Variants in RASGEF1A observed in about 807,000 individuals in gnomAD.
RASGEF1A encodes RasGEF domain family member 1A.
A neutral mutation model predicts 56.4 loss-of-function variants in RASGEF1A; 18 were observed. The ratio of observed to expected loss-of-function variants is 0.32; its 90% CI spans 0.22 to 0.47. The LOEUF (loss-of-function observed/expected upper bound fraction) is 0.47. Ranked by LOEUF, RASGEF1A falls within the 20% of genes least tolerant of loss-of-function variation. The pLI, the probability that RASGEF1A is intolerant of heterozygous loss-of-function variation, is 1.00. For missense variants in RASGEF1A, 422 were observed against 627.1 expected (o/e 0.67, Z 3.49); for synonymous variants, 245 against 242.6 (o/e 1.01, Z -0.09).
intron 1 of RASGEF1A, among the ~76,000 whole-genome samples, chr10:43,238,576 T>C (rs1207820175): frequency 2.6e-5 from 4 of 152,242 alleles, no homozygotes; most frequent in African/African-American, 9.6e-5. Context: ...ACCAGGGTGC[T>C]GTGAGGGTCC....
intron 1 of RASGEF1A, among the ~76,000 whole-genome samples, chr10:43,217,188 G>A (rs113397773): frequency 0.011 from 1,674 of 152,302 alleles, 12 homozygotes; most frequent in Middle Eastern, 0.041. Flanking sequence ...CTGGTGGAGC[G>A]TGCTGGGACC....
chr10:43,220,721 G>A (rs540428346), intron 1 of RASGEF1A, among the ~76,000 whole-genome samples: 37 of 151,406 alleles, frequency 2.4e-4, no homozygotes, highest in African/African-American at 8.2e-4. Context: ...GGAGGTGGAC[G>A]TTGCAGTGAG....
chr10:43,258,841 A>G (rs1030214992), intron 1 of RASGEF1A, among the ~76,000 whole-genome samples: 1 of 152,214 alleles, frequency 6.6e-6, no homozygotes, highest in Non-Finnish European at 1.5e-5. Flanking sequence ...GGAAGAGCTC[A>G]CTGGGCACAT....
chr10:43,260,257 C>A (rs1439079847), intron 1 of RASGEF1A, among the ~76,000 whole-genome samples: 2 of 152,074 alleles, frequency 1.3e-5, no homozygotes, highest in Non-Finnish European at 2.9e-5. Flanking sequence ...CAGGCCTGGG[C>A]ACCGGCAGGG....
intron 5 of RASGEF1A, 109 bp from the exon 6 acceptor site, chr10:43,200,365 T>G (rs567009977): frequency 1.1e-6 from 1 of 931,686 alleles, no homozygotes; most frequent in Non-Finnish European, 1.7e-6. Flanking sequence ...GCACAGGACC[T>G]TCACCTCCTC....
At chr10:43,242,679 C>T (rs922399549) in intron 1 of RASGEF1A, among the ~76,000 whole-genome samples, 2 of 152,048 alleles carry the variant, frequency 1.3e-5, no homozygotes, top group Non-Finnish European at 2.9e-5. Context: ...ATTCCAGGCA[C>T]GCGCCGCCAC....
intron 1 of RASGEF1A, among the ~76,000 whole-genome samples, chr10:43,214,206 G>A (rs1394513428): frequency 6.6e-6 from 1 of 152,192 alleles, no homozygotes; most frequent in Non-Finnish European, 1.5e-5. Flanking sequence ...CCAAGCCTGT[G>A]GCCTCACTGC....
Position 43,229,211 on chromosome 10 carries a change from T to C in RASGEF1A, c.-6-23089A>G, listed in dbSNP as rs554094795. Among the ~76,000 whole-genome samples the C allele has an allele frequency of 7.9e-5, 12 of 152,282 alleles. No individual in the cohort carries two copies. In the East Asian group the frequency reaches 1.9e-3, roughly 25 times the overall value. On this transcript the variant is annotated intron_variant, in intron 1 of 12. Coordinates refer to ENST00000395810, the MANE Select transcript of RASGEF1A (RefSeq NM_145313.4). ...ACAGGCACGGCTGCGCTCCCTCCCA[T>C]GTGCCGTGAATAAGCGCGCCCGCGC...
In RASGEF1A at chr10:43,198,111, T is replaced by G; in HGVS notation, c.1117A>C (p.Ser373Arg). 1 of 1,614,204 alleles carries G rather than the reference T, an allele frequency of 6.2e-7. No homozygotes were observed. The highest frequency in any genetic ancestry group is 8.5e-7 in the Non-Finnish European group (1 of 1,180,000). Residue 373 changes from serine to arginine, a missense_variant, in exon 10 of 13, where the codon AGC becomes CGC. Around this residue, in one of 2 missense-constraint regions of RASGEF1A, gnomAD observed 149 missense variants for 287.2 expected, o/e 0.52. Transcript: ENST00000395810. ...ACAGGGATGACGATCTTTTCACGGC[T>G]GCTGTTGGCCATCTGGGACCTCTGC... ...ATQRSQMANS[S>R]REKIVIPVFN...
intron 1 of RASGEF1A, among the ~76,000 whole-genome samples, chr10:43,265,360 G>A (rs79771192): frequency 0.011 from 1,751 of 152,346 alleles, 57 homozygotes; most frequent in East Asian, 0.095. Flanking sequence ...TGTGCAGGAG[G>A]ACACAGCTTC....
intron 2 of RASGEF1A, among the ~76,000 whole-genome samples, chr10:43,204,041 C>G (rs1161039531): frequency 1.3e-5 from 2 of 152,154 alleles, no homozygotes; most frequent in African/African-American, 4.8e-5. Context: ...CAGGGCCCCT[C>G]CATACCACAT....
At chr10:43,200,305 G>A (rs1449791021) in intron 5 of RASGEF1A, 49 bp from the exon 6 acceptor site, 3 of 1,496,358 alleles carry the variant, frequency 2.0e-6, no homozygotes, top group Admixed American at 1.9e-5. Context: ...CCCTGGAGAA[G>A]GGACAGCACT....
chr10:43,215,082 A>G (rs1193922377), intron 1 of RASGEF1A, among the ~76,000 whole-genome samples: 1 of 152,214 alleles, frequency 6.6e-6, no homozygotes, highest in Non-Finnish European at 1.5e-5. Flanking sequence ...GGACAAGCAC[A>G]CATTCCCACG....
intron 1 of RASGEF1A, among the ~76,000 whole-genome samples, chr10:43,247,879 T>C (rs1456747296): frequency 1.3e-5 from 2 of 151,822 alleles, no homozygotes; most frequent in African/African-American, 4.8e-5. Context: ...CTGGCCAACA[T>C]GGTGAAACCC....
intron 1 of RASGEF1A, among the ~76,000 whole-genome samples, chr10:43,212,560 C>T (rs1348916443): frequency 6.6e-6 from 1 of 152,256 alleles, no homozygotes; most frequent in African/African-American, 2.4e-5. Context: ...CTTAGTGGCA[C>T]TGGCACCTGA....
At chr10:43,230,005 CG>C (rs1195932695) in intron 1 of RASGEF1A, among the ~76,000 whole-genome samples, 1 of 151,762 alleles carries the variant, frequency 6.6e-6, no homozygotes, top group Non-Finnish European at 1.5e-5. Flanking sequence ...CCGTAGGTGC[CG>C]GGGTGTGAGG....
intron 1 of RASGEF1A, among the ~76,000 whole-genome samples, chr10:43,236,307 A>G (rs1324056181): frequency 6.6e-6 from 1 of 152,210 alleles, no homozygotes. Flanking sequence ...CCGCGCATCC[A>G]TGTGTGTTTG....
intron 1 of RASGEF1A, among the ~76,000 whole-genome samples, chr10:43,232,836 G>C (rs1030552801): frequency 6.6e-5 from 10 of 152,134 alleles, no homozygotes; most frequent in Non-Finnish European, 1.0e-4. Context: ...ACTCGCAAAG[G>C]CTCCCTCTCA....
At chr10:43,200,450 C>G (rs1316934896) in intron 5 of RASGEF1A, among the ~76,000 whole-genome samples, 194 bp from the exon 6 acceptor site, 1 of 152,232 alleles carries the variant, frequency 6.6e-6, no homozygotes, top group African/African-American at 2.4e-5. Context: ...CTCCCACTGA[C>G]ACAGCACTGC....
Sources: gnomAD v4.1 joint callset for allele counts (sites outside exome capture counted in the v4.1 genomes callset) on GRCh38, gnomAD v4.1.1 for gene constraint, gnomAD v4.1.1 regional missense constraint, MANE v1.5 for transcripts, NCBI Gene and HGNC (gene_info 2026-07-23, HGNC 2026-07-21) for gene names.